LRRIQ3: variants seen among roughly 807,000 people sequenced by gnomAD.
LRRIQ3 encodes the protein leucine rich repeats and IQ motif containing 3.
A neutral mutation model predicts 59.3 loss-of-function variants in LRRIQ3; 75 were observed. That is an observed-to-expected ratio of 1.26 (90% CI 1.05 to 1.53). The LOEUF is 1.53. LRRIQ3 is among the 40% of genes most tolerant of loss of function. The pLI, the probability that LRRIQ3 is intolerant of heterozygous loss-of-function variation, is 0.00. For missense variants in LRRIQ3, 831 were observed against 710.0 expected (o/e 1.17, Z -1.94); for synonymous variants, 250 against 231.3 (o/e 1.08, Z -0.73).
intron 7 of LRRIQ3, among the ~76,000 whole-genome samples, chr1:74,032,494 TGTC>T (rs1653749392): frequency 6.6e-6 from 1 of 151,950 alleles, no homozygotes; most frequent in Admixed American, 6.6e-5. Context: ...CAGTGGTTGT[TGTC>T]AGAATTAATT....
intron 4 of LRRIQ3, among the ~76,000 whole-genome samples, chr1:74,119,615 T>A (rs1646824422): frequency 6.6e-6 from 1 of 152,136 alleles, no homozygotes; most frequent in African/African-American, 2.4e-5. Flanking sequence ...TTTATGGGTG[T>A]ACAGTAAGAA....
At chr1:74,138,222 T>C (rs749067920) in intron 4 of LRRIQ3, among the ~76,000 whole-genome samples, 2 of 151,222 alleles carry the variant, frequency 1.3e-5, no homozygotes, top group Non-Finnish European at 2.9e-5. Flanking sequence ...GTGACCTGGA[T>C]GTATGATTAC....
At chr1:74,182,257 A>G (rs1650025188) in intron 3 of LRRIQ3, 1 of 180,396 alleles carries the variant, frequency 5.5e-6, no homozygotes, top group Non-Finnish European at 1.1e-5. Flanking sequence ...TCTTTCATAT[A>G]CCAAATTCTG....
chr1:74,101,973 G>T (rs1378257121), intron 5 of LRRIQ3, among the ~76,000 whole-genome samples: 1 of 151,834 alleles, frequency 6.6e-6, no homozygotes, highest in Non-Finnish European at 1.5e-5. Context: ...ATGAGTTAAT[G>T]GGTGCAGCAC....
chr1:74,096,867 T>G (rs1042437664), intron 5 of LRRIQ3, among the ~76,000 whole-genome samples: 3 of 152,114 alleles, frequency 2.0e-5, no homozygotes, highest in African/African-American at 7.2e-5. Flanking sequence ...ACAGCAAATA[T>G]TGCTGAACAG....
At chr1:74,088,657 T>C (rs1043274476) in intron 5 of LRRIQ3, among the ~76,000 whole-genome samples, 4 of 151,890 alleles carry the variant, frequency 2.6e-5, no homozygotes, top group African/African-American at 9.7e-5. Context: ...TCACACCACA[T>C]GAAAATTAGC....
intron 6 of LRRIQ3, among the ~76,000 whole-genome samples, chr1:74,074,071 G>A (rs181425543): frequency 2.0e-5 from 3 of 151,980 alleles, no homozygotes; most frequent in Admixed American, 6.6e-5. Context: ...TCTGATACTT[G>A]ACAGATTTCC....
chr1:74,119,101 A>T (rs1370933150), intron 4 of LRRIQ3, among the ~76,000 whole-genome samples: 1 of 151,900 alleles, frequency 6.6e-6, no homozygotes, highest in African/African-American at 2.4e-5. Flanking sequence ...CATTACAAAT[A>T]GTATAACACT....
intron 6 of LRRIQ3, among the ~76,000 whole-genome samples, chr1:74,059,665 C>A (rs1654644638): frequency 6.6e-6 from 1 of 151,926 alleles, no homozygotes; most frequent in Admixed American, 6.6e-5. Flanking sequence ...TTTTAAAGAT[C>A]ATTTGGTTGT....
chr1:74,078,816 A>C (rs572447874), intron 5 of LRRIQ3: 1 of 151,962 alleles, frequency 6.6e-6, no homozygotes, highest in East Asian at 1.9e-4. Flanking sequence ...AGAAAAGATA[A>C]AGGGAGATTC....
Position 74,182,955 on chromosome 1 carries a change from T to G in LRRIQ3, c.250-94A>C, listed in dbSNP as rs925629791. 6.3e-6 allele frequency: 4 copies of G among 637,844 alleles called. No individual in the cohort carries two copies. The African/African-American group carries it at 7.4e-5, about 12-fold the overall frequency. The allele number at this position is 637,844 out of a possible 1,614,324, so 39.5% of individuals were successfully genotyped here. A position where few individuals can be genotyped will look rare whatever the true frequency, so the allele number is the denominator to read the frequency against. On this transcript the variant is annotated intron_variant, in intron 2 of 7. Transcript: ENST00000354431. ...ATATTACACATATAAAATTCAATAT[T>G]CCCCAAATAGCAAGTTTCTAATTAA...
At chr1:74,044,450 C>T (rs1472970341) in intron 6 of LRRIQ3, among the ~76,000 whole-genome samples, 1 of 151,908 alleles carries the variant, frequency 6.6e-6, no homozygotes, top group African/African-American at 2.4e-5. Context: ...TGCCAGCTCC[C>T]ACATCACCTT....
At chr1:74,096,641 C>T (rs534466422) in intron 5 of LRRIQ3, among the ~76,000 whole-genome samples, 164 of 152,160 alleles carry the variant, frequency 1.1e-3, no homozygotes, top group Non-Finnish European at 1.9e-3. Context: ...TTGGAATTTT[C>T]AGCTTTTCTG....
intron 4 of LRRIQ3, among the ~76,000 whole-genome samples, chr1:74,145,449 C>A (rs924087619): frequency 1.3e-5 from 2 of 152,156 alleles, no homozygotes; most frequent in Non-Finnish European, 2.9e-5. Flanking sequence ...CTAACAAATT[C>A]TATTATTGTC....
At chr1:74,107,340 T>G (rs1319292022) in intron 5 of LRRIQ3, among the ~76,000 whole-genome samples, 1 of 151,876 alleles carries the variant, frequency 6.6e-6, no homozygotes, top group Admixed American at 6.6e-5. Flanking sequence ...TTATGAACTT[T>G]CAGTATTAAA....
intron 6 of LRRIQ3, among the ~76,000 whole-genome samples, chr1:74,060,947 C>G (rs900200545): frequency 3.9e-5 from 6 of 152,050 alleles, no homozygotes; most frequent in Non-Finnish European, 7.4e-5. Context: ...AGGCAAGAAG[C>G]GTCCCACTCT....
intron 3 of LRRIQ3, among the ~76,000 whole-genome samples, chr1:74,156,075 C>T (rs924248127): frequency 6.6e-6 from 1 of 152,090 alleles, no homozygotes; most frequent in African/African-American, 2.4e-5. Context: ...GAGATAGGGG[C>T]TTGTGGGAGG....
intron 6 of LRRIQ3, among the ~76,000 whole-genome samples, chr1:74,050,753 G>A (rs558398997): frequency 5.9e-4 from 90 of 152,266 alleles, no homozygotes; most frequent in African/African-American, 2.1e-3. Flanking sequence ...AGGAAAATAA[G>A]GAAAATGAAA....
intron 5 of LRRIQ3, among the ~76,000 whole-genome samples, chr1:74,081,325 C>CA (rs1426703651): frequency 6.6e-6 from 1 of 151,362 alleles, no homozygotes; most frequent in Non-Finnish European, 1.5e-5. Context: ...GAACACATGA[C>CA]AAAAAAGATA....
Sources: allele counts gnomAD v4.1 joint callset (sites outside exome capture counted in the v4.1 genomes callset), GRCh38; gene constraint gnomAD v4.1.1; transcripts MANE v1.5; gene names NCBI Gene and HGNC (gene_info 2026-07-23, HGNC 2026-07-21).